ZNF506: variants seen among roughly 807,000 people sequenced by gnomAD.
The protein encoded by ZNF506 is zinc finger protein 506.
In ZNF506, 10 loss-of-function variants were observed where a neutral mutation model predicts 11.6. That is an observed-to-expected ratio of 0.86 (90% CI 0.53 to 1.46). The LOEUF is 1.46. Among genes scored for constraint, ZNF506 ranks in the 40% most tolerant of loss-of-function variants. ZNF506 has a pLI of 0.00. For missense variants in ZNF506, 425 were observed against 521.2 expected (o/e 0.82, Z 1.80); for synonymous variants, 156 against 173.3 (o/e 0.90, Z 0.78).
intron 1 of ZNF506, among the ~76,000 whole-genome samples, chr19:19,813,023 T>C (rs1240301614): frequency 3.9e-5 from 6 of 152,216 alleles, no homozygotes; most frequent in Admixed American, 2.0e-4. Context: ...ACAACACTTT[T>C]TGATGAAGAA....
In ZNF506 at chr19:19,807,504, C is replaced by CTTAT. The variant is rs573294630; in HGVS notation, c.4-440_4-437dup. On this transcript the variant is annotated intron_variant, in intron 1 of 3. Coordinates refer to ENST00000540806, the MANE Select transcript of ZNF506 (RefSeq NM_001099269.3). The stretch of plus-strand genomic sequence containing the variant: ...CCAGAAGATCTGAAATAAAGTCTTT[C>CTTAT]TTATTTATTTATTTATTTATAGATG... 2.6e-4 allele frequency among the ~76,000 whole-genome samples: 40 copies of CTTAT among 151,836 alleles called. No homozygotes were observed. The East Asian group carries it at 3.3e-3, about 12-fold the overall frequency.
intron 1 of ZNF506, among the ~76,000 whole-genome samples, chr19:19,817,404 C>G (rs1261934602): frequency 2.7e-5 from 4 of 149,868 alleles, no homozygotes; most frequent in Non-Finnish European, 5.9e-5. Context: ...CGTTGCAATA[C>G]TTTTTTAGAA....
At chr19:19,819,194 T>G (rs1307010272) in intron 1 of ZNF506, among the ~76,000 whole-genome samples, 1 of 152,010 alleles carries the variant, frequency 6.6e-6, no homozygotes, top group Non-Finnish European at 1.5e-5. Context: ...GGTCAGTTTT[T>G]TTTGTCTTTT....
At position 19,806,059 on chromosome 19, in the gene ZNF506, C is replaced by G; in HGVS notation, c.198G>C (p.Lys66Asn). The change falls in exon 3 of 4, where the codon AAG becomes AAC. Residue 66 changes from lysine (K) to asparagine (N), a missense_variant. Lys to Asn is a moderately conservative substitution (Grantham distance 94, BLOSUM62 0). Around this residue, in one of 3 missense-constraint regions of ZNF506, gnomAD observed 226 missense variants for 279.1 expected, o/e 0.81. Coordinates refer to ENST00000540806, the MANE Select transcript of ZNF506 (RefSeq NM_001099269.3). ...GGGGTTTGGCAATCATCTCATGCCT[C>G]TTCATAGTTAAAGGTTTTTTTCCTT... Reference protein sequence around the residue: ...LEQGKKPLTMKRHEMIAKPPV... With the variant: ...LEQGKKPLTMNRHEMIAKPPV... 2 of 1,610,156 alleles carry G rather than the reference C, an allele frequency of 1.2e-6. No individual in the cohort carries two copies. Among genetic ancestry groups the G allele is most frequent in the African/African-American group, 2.7e-5 (2 of 74,734 alleles).
chr19:19,793,275 T>A lies in ZNF506; in HGVS notation c.*1277A>T, dbSNP rs1202144888. ...TAATGTCTGAAGTGTCAGTGCCTTATTCTAGTGTAAATTCTCATATTTACG... is the reference window on the plus strand; with the variant it reads ...TAATGTCTGAAGTGTCAGTGCCTTAATCTAGTGTAAATTCTCATATTTACG... On this transcript the variant is annotated 3_prime_UTR_variant, in exon 4 of 4. Coordinates refer to ENST00000540806, the MANE Select transcript of ZNF506 (RefSeq NM_001099269.3). Among the ~76,000 whole-genome samples, 1 of 152,224 alleles carries A rather than the reference T, an allele frequency of 6.6e-6. No homozygotes were observed. The highest frequency in any genetic ancestry group is 1.5e-5 in the Non-Finnish European group (1 of 68,026).
At chr19:19,804,462 G>A (rs937694591) in intron 3 of ZNF506, among the ~76,000 whole-genome samples, 1 of 152,232 alleles carries the variant, frequency 6.6e-6, no homozygotes, top group Non-Finnish European at 1.5e-5. Flanking sequence ...TGGAGAAACA[G>A]GAACGCTTTT....
Position 19,808,108 on chromosome 19 carries a change from C to CTTTTTTTTTTTTTTTTTT in ZNF506, c.4-1058_4-1041dup, listed in dbSNP as rs757160026. ...ACTTAACCAAGTGAATCATTAACCA[C>CTTTTTTTTTTTTTTTTTT]TTTTTTTTTTTTTTTTTTTTTTTTT... On this transcript the variant is annotated intron_variant, in intron 1 of 3. Coordinates refer to ENST00000540806, the MANE Select transcript of ZNF506 (RefSeq NM_001099269.3). Among the ~76,000 whole-genome samples, 13 of 56,772 alleles carry CTTTTTTTTTTTTTTTTTT rather than the reference C, an allele frequency of 2.3e-4. 1 individual carries two copies. Among genetic ancestry groups the CTTTTTTTTTTTTTTTTTT allele is most frequent in the African/African-American group, 5.4e-4 (7 of 12,970 alleles). 37.2% of individuals were successfully genotyped at this position (56,772 alleles called of 152,430 possible).
rs546244614 is a variant in ZNF506 at position 19,804,929 on chromosome 19, G to A, written c.226+1102C>T. Among the ~76,000 whole-genome samples the A allele has an allele frequency of 1.6e-4, 25 of 151,812 alleles. 1 individual carries two copies. The East Asian group carries it at 3.5e-3, about 21-fold the overall frequency. On this transcript the variant is annotated intron_variant, in intron 3 of 3. Transcript: ENST00000540806. ...CAGGGAACATCACACACCGGGGCCTGTCATGGGGTGGGGGGATGGGGGAGG... is the reference window on the plus strand; with the variant it reads ...CAGGGAACATCACACACCGGGGCCTATCATGGGGTGGGGGGATGGGGGAGG...
At position 19,806,035 on chromosome 19, in the gene ZNF506, G is replaced by T. The variant is rs779659125; in HGVS notation, c.222C>A (p.Pro74=). The change falls in exon 3 of 4, where the codon CCC becomes CCA. Residue 74 remains proline (P), a synonymous_variant. Transcript: ENST00000540806. The part of the protein sequence containing the change: ...TMKRHEMIAK[P]PVMYSHFAQD... ...TTCATTTTCACTCGCACCTACCTGG[G>T]GGTTTGGCAATCATCTCATGCCTCT... is the stretch of plus-strand genomic sequence containing the variant. The T allele has an allele frequency of 6.2e-7, 1 of 1,605,512 alleles. No individual in the cohort carries two copies. Among genetic ancestry groups the T allele is most frequent in the South Asian group, 1.1e-5 (1 of 89,422 alleles).
chr19:19,793,384 A>C lies in ZNF506; in HGVS notation c.*1168T>G, dbSNP rs1174891177. On this transcript the variant is annotated 3_prime_UTR_variant, in exon 4 of 4. Transcript: ENST00000540806. ...AGTATAAACTCTCTGATGTTTTCTA[A>C]GCTATAGATTTTGAAAAAAAAAGTC... is the stretch of plus-strand genomic sequence containing the variant. 6.6e-6 allele frequency among the ~76,000 whole-genome samples: 1 copy of C among 152,092 alleles called. No homozygotes were observed. Among genetic ancestry groups the C allele is most frequent in the Non-Finnish European group, 1.5e-5 (1 of 68,008 alleles).
At chr19:19,821,393 G>A (rs1367979674) in intron 1 of ZNF506, among the ~76,000 whole-genome samples, 3 of 152,186 alleles carry the variant, frequency 2.0e-5, no homozygotes, top group East Asian at 1.9e-4. Flanking sequence ...ACTGCGCAGG[G>A]AAAAGACAGG....
chr19:19,806,340 T>C (rs2062835715), intron 2 of ZNF506: 2 of 234,984 alleles, frequency 8.5e-6, no homozygotes, highest in Non-Finnish European at 1.6e-5. Context: ...CACCACAAGC[T>C]CCAACTCCAG....
At chr19:19,808,712 G>A (rs1018749224) in intron 1 of ZNF506, among the ~76,000 whole-genome samples, 17 of 150,968 alleles carry the variant, frequency 1.1e-4, no homozygotes, top group Admixed American at 5.3e-4. Context: ...GCGTGGTGGC[G>A]GGCACCTGTA....
chr19:19,816,755 T>C (rs1419421230), intron 1 of ZNF506, among the ~76,000 whole-genome samples: 1 of 150,440 alleles, frequency 6.6e-6, no homozygotes, highest in Non-Finnish European at 1.5e-5. Context: ...CTCCACAGGC[T>C]GAGTGCTGGG....
chr19:19,821,375 GCA>G (rs1405424019), intron 1 of ZNF506, among the ~76,000 whole-genome samples: 1 of 152,166 alleles, frequency 6.6e-6, no homozygotes, highest in East Asian at 1.9e-4. Flanking sequence ...CCACGCCAGG[GCA>G]CAGTCACTGC....
chr19:19,819,191 T>G (rs908953156), intron 1 of ZNF506, among the ~76,000 whole-genome samples: 2 of 152,030 alleles, frequency 1.3e-5, no homozygotes, highest in African/African-American at 2.4e-5. Flanking sequence ...TGGGGTCAGT[T>G]TTTTTTGTCT....
intron 1 of ZNF506, among the ~76,000 whole-genome samples, chr19:19,811,487 A>G (rs1287848105): frequency 6.6e-6 from 1 of 152,184 alleles, no homozygotes; most frequent in African/African-American, 2.4e-5. Context: ...GAAAATAAAT[A>G]CGTACACTTA....
At chr19:19,801,120 A>T (rs886231802) in intron 3 of ZNF506, among the ~76,000 whole-genome samples, 1 of 152,118 alleles carries the variant, frequency 6.6e-6, no homozygotes, top group African/African-American at 2.4e-5. Flanking sequence ...AGATTATGCC[A>T]TTGTACTCCA....
At chr19:19,811,361 T>C (rs536368763) in intron 1 of ZNF506, among the ~76,000 whole-genome samples, 2 of 152,290 alleles carry the variant, frequency 1.3e-5, no homozygotes, top group South Asian at 2.1e-4. Flanking sequence ...CATTTCACCA[T>C]ATTGGCCAGG....
Sources: allele counts gnomAD v4.1 joint callset (sites outside exome capture counted in the v4.1 genomes callset), GRCh38; gene constraint gnomAD v4.1.1; regional missense constraint gnomAD v4.1.1; transcripts MANE v1.5; gene names NCBI Gene and HGNC (gene_info 2026-07-23, HGNC 2026-07-21).